Variants in EXT1 observed in about 807,000 individuals in gnomAD.
EXT1 encodes exostosin-1.
Under a neutral mutation model 82.5 loss-of-function variants are expected in EXT1, and 20 were observed. That is an observed-to-expected ratio of 0.24 (90% confidence interval 0.17 to 0.35). The LOEUF is 0.35. EXT1 is among the 10% of genes least tolerant of loss of function. The pLI, the probability that EXT1 is intolerant of heterozygous loss-of-function variation, is 1.00. For synonymous variants in EXT1, 348 were observed against 350.8 expected (o/e 0.99, Z 0.09); for missense variants, 757 against 936.5 (o/e 0.81, Z 2.50).
At chr8:117,837,968 A>C (rs1437194853) in intron 1 of EXT1, among the ~76,000 whole-genome samples, 1 of 152,192 alleles carries the variant, frequency 6.6e-6, no homozygotes, top group Non-Finnish European at 1.5e-5. Context: ...TTGCTTTTCG[A>C]AAAAACATAC....
chr8:117,956,079 C>G (rs1814580202), intron 1 of EXT1, among the ~76,000 whole-genome samples: 1 of 152,032 alleles, frequency 6.6e-6, no homozygotes, highest in Admixed American at 6.5e-5. Flanking sequence ...TACAGATAAT[C>G]TGAGCCTCTG....
At chr8:117,899,557 C>T (rs10106675) in intron 1 of EXT1, among the ~76,000 whole-genome samples, 45,921 of 152,004 alleles carry the variant, frequency 0.3, 7,278 homozygotes, top group East Asian at 0.37. Context: ...CTCTTAAAAG[C>T]TGCTTTCGGA....
At chr8:117,892,094 C>T (rs936488514) in intron 1 of EXT1, among the ~76,000 whole-genome samples, 31 of 152,154 alleles carry the variant, frequency 2.0e-4, no homozygotes, top group African/African-American at 7.2e-4. Flanking sequence ...CGTGAGCCAC[C>T]GTGCCCATTC....
Position 117,862,938 on chromosome 8 carries a change from A to G in EXT1, c.963-25737T>C, listed in dbSNP as rs569226499. Among the ~76,000 whole-genome samples the G allele has an allele frequency of 5.1e-5, 7 of 138,214 alleles. No individual in the cohort carries two copies. In the South Asian group the frequency reaches 1.6e-3, roughly 32 times the overall value. The allele number at this position is 138,214 out of a possible 152,430, so 90.7% of individuals were successfully genotyped here. On this transcript the variant is annotated intron_variant, in intron 1 of 10. Transcript: ENST00000378204. ...AGAGCCCCAGGTTGCAACATTCTGG[A>G]CACACTCAAGGAACAATGGAAACTA...
chr8:117,905,583 C>G (rs1172447504), intron 1 of EXT1, among the ~76,000 whole-genome samples: 1 of 152,116 alleles, frequency 6.6e-6, no homozygotes, highest in African/African-American at 2.4e-5. Context: ...GAGGCCGAGG[C>G]GGGTGGATCA....
chr8:117,925,710 AAAAAAAAAAAAAAGAAAGAAAG>A (rs1403821566), intron 1 of EXT1, among the ~76,000 whole-genome samples: 1 of 142,854 alleles, frequency 7.0e-6, no homozygotes, highest in African/African-American at 2.9e-5. Flanking sequence ...CTCTACAAAA[AAAAAAAAAAAAAAGAAAGAAAG>A]AAAAAAAAAA....
intron 1 of EXT1, among the ~76,000 whole-genome samples, chr8:117,863,429 C>A (rs1324702495): frequency 3.6e-5 from 2 of 54,798 alleles, no homozygotes; most frequent in East Asian, 6.7e-4. Flanking sequence ...TTTTTTTTGG[C>A]ATGTTTGTTG....
intron 1 of EXT1, among the ~76,000 whole-genome samples, chr8:118,075,563 GT>G (rs1281646841): frequency 8.5e-5 from 13 of 152,062 alleles, no homozygotes; most frequent in African/African-American, 2.7e-4. Context: ...CTGGGTTTTG[GT>G]TTTTTTGTTT....
Position 118,019,051 on chromosome 8 carries a change from G to T in EXT1, c.962+91034C>A, listed in dbSNP as rs551848521. Among the ~76,000 whole-genome samples the T allele has an allele frequency of 1.7e-4, 25 of 151,318 alleles. No homozygotes were observed. In the South Asian group the frequency reaches 5.0e-3, roughly 30 times the overall value. On this transcript the variant is annotated intron_variant, in intron 1 of 10. Coordinates refer to ENST00000378204, the MANE Select transcript of EXT1 (RefSeq NM_000127.3). ...CTATCATGGCAAAGCTGTAAAAACT[G>T]ATCAGTGTGCTTTTGGTAGCTCTAG...
intron 1 of EXT1, among the ~76,000 whole-genome samples, chr8:117,921,054 AG>A (rs1813845815): frequency 6.6e-6 from 1 of 152,180 alleles, no homozygotes; most frequent in Non-Finnish European, 1.5e-5. Context: ...TTGCATCGAA[AG>A]GGTGGTTTTT....
At chr8:117,894,499 G>T (rs1478110540) in intron 1 of EXT1, among the ~76,000 whole-genome samples, 1 of 152,050 alleles carries the variant, frequency 6.6e-6, no homozygotes, top group East Asian at 1.9e-4. Context: ...AGTCCAAAGA[G>T]AAAACAATGA....
chr8:117,977,722 G>A (rs927672618), intron 1 of EXT1, among the ~76,000 whole-genome samples: 2 of 152,134 alleles, frequency 1.3e-5, no homozygotes, highest in African/African-American at 4.8e-5. Context: ...TGCCTGGCCT[G>A]GCTATCTAAT....
At chr8:117,957,600 G>A (rs571483791) in intron 1 of EXT1, among the ~76,000 whole-genome samples, 46 of 152,308 alleles carry the variant, frequency 3.0e-4, no homozygotes, top group African/African-American at 1.1e-3. Context: ...GAAGATCAGA[G>A]GGGTTTATAA....
chr8:117,827,030 C>A (rs879868408), intron 4 of EXT1, among the ~76,000 whole-genome samples: 6 of 152,154 alleles, frequency 3.9e-5, no homozygotes, highest in African/African-American at 7.2e-5. Context: ...TACCATCTTT[C>A]ATCTGGCAAA....
At chr8:117,845,284 G>A (rs924143363) in intron 1 of EXT1, among the ~76,000 whole-genome samples, 3 of 152,168 alleles carry the variant, frequency 2.0e-5, no homozygotes, top group Admixed American at 6.6e-5. Flanking sequence ...ACAGGGATGA[G>A]GGAGTCAGAA....
intron 1 of EXT1, among the ~76,000 whole-genome samples, chr8:117,948,384 A>G (rs1185093536): frequency 1.3e-5 from 2 of 151,896 alleles, no homozygotes; most frequent in Non-Finnish European, 1.5e-5. Context: ...ACTTATCTTA[A>G]GTGACAGAGA....
At chr8:117,858,810 CAGG>C (rs1812623341) in intron 1 of EXT1, among the ~76,000 whole-genome samples, 442 of 34,376 alleles carry the variant, frequency 0.013, 79 homozygotes, top group African/African-American at 0.056. Context: ...CAAGGCAAGG[CAGG>C]AAGGAAGGAA....
At chr8:117,850,044 T>C (rs1431786984) in intron 1 of EXT1, among the ~76,000 whole-genome samples, 4 of 152,342 alleles carry the variant, frequency 2.6e-5, no homozygotes, top group Non-Finnish European at 5.9e-5. Context: ...TTCCATTGTA[T>C]TGGGTTTCAG....
At chr8:117,817,313 T>A (rs1811839212) in intron 7 of EXT1, among the ~76,000 whole-genome samples, 1 of 152,166 alleles carries the variant, frequency 6.6e-6, no homozygotes, top group African/African-American at 2.4e-5. Flanking sequence ...ATTGCCACTT[T>A]TGGTGAGTCG....
Sources: allele counts gnomAD v4.1 joint callset (sites outside exome capture counted in the v4.1 genomes callset), GRCh38; gene constraint gnomAD v4.1.1; transcripts MANE v1.5; gene names NCBI Gene and HGNC (gene_info 2026-07-23, HGNC 2026-07-21).